GAA: variants seen among roughly 807,000 people sequenced by gnomAD.
The protein encoded by GAA is alpha glucosidase.
GAA carries 88 observed loss-of-function variants against 103.9 expected under a neutral mutation model. The observed-to-expected ratio is 0.85, with a 90% CI of 0.71 to 1.01. GAA has a LOEUF of 1.01. Among genes scored for constraint, GAA ranks in the 50% least tolerant of loss-of-function variants. The pLI is 0.00. For synonymous variants in GAA, 572 were observed against 563.1 expected, an observed-to-expected ratio of 1.02 and a Z score of -0.22; for missense variants, 1,350 against 1,305.3, an observed-to-expected ratio of 1.03 and a Z score of -0.53.
At chr17:80,108,910 G>A (rs1012279771) in intron 8 of GAA, 82 bp downstream of exon 8, 8 of 1,467,028 alleles carry the variant, frequency 5.5e-6, no homozygotes, top group South Asian at 1.3e-5. Context: ...CGTCATCCTC[G>A]TGCCTGTGTG....
intron 2 of GAA, 80 bp from the exon 3 acceptor site, chr17:80,105,669 G>A: frequency 6.5e-7 from 1 of 1,544,304 alleles, no homozygotes; most frequent in Non-Finnish European, 8.9e-7. Flanking sequence ...ACCAGGACCT[G>A]ACCTGTCCTT....
chr17:80,116,489 G>A (rs1242168854), intron 15 of GAA, among the ~76,000 whole-genome samples: 2 of 152,242 alleles, frequency 1.3e-5, no homozygotes, highest in Admixed American at 6.5e-5. Context: ...GACAGTCTCC[G>A]TTAGACGGAG....
chr17:80,104,816 C>T lies in GAA; in HGVS notation c.230C>T (p.Ala77Val), dbSNP rs1483625853. 6.2e-7 allele frequency: 1 copy of T among 1,612,346 alleles called. No individual in the cohort carries two copies. The highest frequency in any genetic ancestry group is 8.5e-7 in the Non-Finnish European group (1 of 1,179,814). Residue 77 changes from alanine to valine, a missense_variant, in exon 2 of 20, where the codon GCA becomes GTA. Coordinates refer to ENST00000302262, the MANE Select transcript of GAA (RefSeq NM_000152.5). The surrounding 1 kb of genome is among the most constrained non-coding windows in gnomAD (Gnocchi z 4.0). ...CAGGCACACCCCGGCCGTCCCAGAG[C>T]AGTGCCCACACAGTGCGACGTCCCC... ...DAQAHPGRPR[A>V]VPTQCDVPPN... is the part of the protein sequence containing the mutation.
At chr17:80,116,829 C>T (rs2039361386) in intron 15 of GAA, 139 bp from the exon 16 acceptor site, 13 of 902,606 alleles carry the variant, frequency 1.4e-5, no homozygotes, top group Non-Finnish European at 2.3e-5. Flanking sequence ...CCCGTCTGAC[C>T]TGAGTCCTCC....
intron 1 of GAA, among the ~76,000 whole-genome samples, chr17:80,103,491 T>G (rs1171979736): frequency 6.6e-6 from 1 of 152,154 alleles, no homozygotes; most frequent in Non-Finnish European, 1.5e-5. Flanking sequence ...TCCATGCATA[T>G]TGAATCGCAT....
At chr17:80,118,871 T>C in intron 19 of GAA, 66 bp downstream of exon 19, 1 of 1,577,516 alleles carries the variant, frequency 6.3e-7, no homozygotes, top group South Asian at 1.1e-5. Context: ...CAGAAGGTGC[T>C]GGGCGTCCTG....
At chr17:80,111,723 G>A (rs2039240558) in intron 11 of GAA, 3 of 538,342 alleles carry the variant, frequency 5.6e-6, no homozygotes, top group Non-Finnish European at 1.0e-5. Flanking sequence ...AAGAGACGGT[G>A]GATGTGAAGT....
intron 12 of GAA, 91 bp downstream of exon 12, chr17:80,112,191 G>C: frequency 1.5e-6 from 2 of 1,341,122 alleles, no homozygotes; most frequent in Non-Finnish European, 2.1e-6. Context: ...AGGAGGAAAA[G>C]CGGAGGCCCA....
At chr17:80,114,758 C>A (rs906201728) in intron 15 of GAA, among the ~76,000 whole-genome samples, 1 of 152,168 alleles carries the variant, frequency 6.6e-6, no homozygotes, top group Non-Finnish European at 1.5e-5. Context: ...GTGGCTTTGA[C>A]TTCTTGTCTA....
At chr17:80,109,126 T>C (rs775169761) in intron 8 of GAA, among the ~76,000 whole-genome samples, 7 of 152,150 alleles carry the variant, frequency 4.6e-5, no homozygotes, top group Non-Finnish European at 7.3e-5. Flanking sequence ...CACCTGGTCC[T>C]GGAAAGTGGA....
chr17:80,105,934 A>G, intron 3 of GAA, 40 bp downstream of exon 3: 1 of 1,559,520 alleles, frequency 6.4e-7, no homozygotes, highest in Non-Finnish European at 8.7e-7. Context: ...GGGGAGGGCG[A>G]CGCGCATTTC....
chr17:80,105,329 G>T (rs1043048526), intron 2 of GAA, among the ~76,000 whole-genome samples, 197 bp downstream of exon 2: 10 of 152,206 alleles, frequency 6.6e-5, no homozygotes, highest in African/African-American at 2.2e-4. Flanking sequence ...ACTCCAGAAG[G>T]CAGGGCTCGG....
chr17:80,108,313 G>A lies in GAA; in HGVS notation c.979G>A (p.Ala327Thr), dbSNP rs756562462. The A allele has an allele frequency of 7.4e-6, 12 of 1,613,506 alleles. No individual in the cohort carries two copies. Among genetic ancestry groups the A allele is most frequent in the African/African-American group, 2.7e-5 (2 of 74,920 alleles). Residue 327 changes from alanine to threonine, a missense_variant, in exon 6 of 20, where the codon GCC becomes ACC. Coordinates refer to ENST00000302262, the MANE Select transcript of GAA (RefSeq NM_000152.5). ...AGATGTGGTCCTGCAGCCGAGCCCT[G>A]CCCTTAGCTGGAGGTCGACAGGTGG... ...AMDVVLQPSP[A>T]LSWRSTGGIL...
intron 8 of GAA, 126 bp from the exon 9 acceptor site, chr17:80,109,819 A>AGGCAGGCATGTGCAGGTACACC: frequency 1.4e-6 from 1 of 695,934 alleles, no homozygotes; most frequent in African/African-American, 1.8e-5. Flanking sequence ...GCAGGTACAC[A>AGGCAGGCATGTGCAGGTACACC]GGCAGGCATG....
rs747150965 is a variant in GAA at position 80,112,015 on chromosome 17, A to T, written c.1669A>T (p.Ile557Phe). The T allele has an allele frequency of 6.2e-7, 1 of 1,613,944 alleles. No homozygotes were observed. Among genetic ancestry groups the T allele is most frequent in the East Asian group, 2.2e-5 (1 of 44,880 alleles). ...TGGGGGGACCCTCCAGGCGGCCACC[A>T]TCTGTGCCTCCAGCCACCAGTTTCT... ...VVGGTLQAAT[I>F]CASSHQFLST... Residue 557 changes from isoleucine (I) to phenylalanine (F), a missense_variant, in exon 12 of 20, where the codon ATC becomes TTC. Ile to Phe is a conservative substitution (Grantham distance 21, BLOSUM62 0). Transcript: ENST00000302262.
chr17:80,104,622 C>T lies in GAA; in HGVS notation c.36C>T (p.Leu12=), dbSNP rs200548806. The T allele has an allele frequency of 1.8e-4, 286 of 1,612,886 alleles. 2 individuals carry two copies. In the East Asian group the frequency reaches 6.3e-3, roughly 36 times the overall value. ...GVRHPPCSHR[L]LAVCALVSLA... ...GGCACCCGCCCTGCTCCCACCGGCT[C>T]CTGGCCGTCTGCGCCCTCGTGTCCT... Residue 12 remains leucine (L), a synonymous_variant, in exon 2 of 20, where the codon CTC becomes CTT. Coordinates refer to ENST00000302262, the MANE Select transcript of GAA (RefSeq NM_000152.5). The surrounding 1 kb of genome is among the most constrained non-coding windows in gnomAD (Gnocchi z 4.0).
rs756199247 is a variant in GAA at position 80,118,797 on chromosome 17, G to A, written c.2791G>A (p.Asp931Asn). The A allele has an allele frequency of 2.9e-5, 47 of 1,613,032 alleles. 3 individuals are homozygous for A. The South Asian group carries it at 3.0e-4, about 10-fold the overall frequency. The stretch of plus-strand genomic sequence containing the variant: ...TGTCTCCAACTTCACCTACAGCCCC[G>A]ACACCAAGGCAAGAGGGCCCAGAGT... ...VPVSNFTYSP[D>N]TKVLDICVSL... is the part of the protein sequence containing the mutation. The change falls in exon 19 of 20, where the codon GAC (aspartate) becomes AAC (asparagine). Residue 931 changes from aspartate (D) to asparagine (N), a missense_variant. Asp to Asn is a conservative substitution (Grantham distance 23). Coordinates refer to ENST00000302262, the MANE Select transcript of GAA (RefSeq NM_000152.5).
rs755128440 is a variant in GAA, at chr17:80,118,680, G to A, written c.2674G>A (p.Val892Met). 1 of 1,612,882 alleles carries A rather than the reference G, an allele frequency of 6.2e-7. No homozygotes were observed. The highest frequency in any genetic ancestry group is 8.5e-7 in the Non-Finnish European group (1 of 1,180,006). The change falls in exon 19 of 20, where the codon GTG becomes ATG. Residue 892 changes from valine (V) to methionine (M), a missense_variant. Physicochemically the swap from Val to Met is conservative, Grantham distance 21. Coordinates refer to ENST00000302262, the MANE Select transcript of GAA (RefSeq NM_000152.5). ...CACGATCGTGAATGAGCTGGTACGT[G>A]TGACCAGTGAGGGAGCTGGCCTGCA... ...NNTIVNELVR[V>M]TSEGAGLQLQ... is the part of the protein sequence containing the mutation.
In GAA at chr17:80,118,250, C is replaced by T. The variant is rs768632516; in HGVS notation, c.2539C>T (p.Leu847=). 1.2e-6 allele frequency: 2 copies of T among 1,612,432 alleles called. No individual in the cohort carries two copies. Among genetic ancestry groups the T allele is most frequent in the Middle Eastern group, 1.7e-4 (1 of 6,052 alleles). ...RQQPMALAVA[L]TKGGEARGEL... ...GCAGCCCATGGCCCTGGCTGTGGCC[C>T]TGACCAAGGGTGGGGAGGCCCGAGG... is the stretch of plus-strand genomic sequence containing the variant. Residue 847 remains leucine (L), a synonymous_variant, in exon 18 of 20, where the codon CTG becomes TTG. Coordinates refer to ENST00000302262, the MANE Select transcript of GAA (RefSeq NM_000152.5).
Sources: gnomAD v4.1 joint callset for allele counts (sites outside exome capture counted in the v4.1 genomes callset) on GRCh38, gnomAD v4.1.1 for gene constraint, Gnocchi (gnomAD v3.1) non-coding constraint, MANE v1.5 for transcripts, NCBI Gene and HGNC (gene_info 2026-07-23, HGNC 2026-07-21) for gene names.